The following ADAMTS12 variants were observed in gnomAD, a reference collection of about 807,000 sequenced individuals.
ADAMTS12 encodes the protein A disintegrin and metalloproteinase with thrombospondin motifs 12.
A neutral mutation model predicts 167.8 loss-of-function variants in ADAMTS12; 118 were observed. The observed-to-expected ratio is 0.70, with a 90% CI of 0.61 to 0.82. The LOEUF (loss-of-function observed/expected upper bound fraction) is 0.82, where lower values mean the gene tolerates loss of function less well. Ranked by LOEUF, ADAMTS12 falls within the 40% of genes least tolerant of loss-of-function variation. The pLI is 0.00. For missense variants in ADAMTS12, 1,916 were observed against 1,998.8 expected (o/e 0.96, Z 0.79); for synonymous variants, 704 against 716.9 (o/e 0.98, Z 0.29).
intron 5 of ADAMTS12, among the ~76,000 whole-genome samples, chr5:33,664,735 T>C (rs4866432): frequency 0.62 from 94,350 of 151,894 alleles, 30,707 homozygotes; most frequent in East Asian, 0.81. Context: ...GAAAACAGCA[T>C]GGAGGTTTCT....
At chr5:33,628,309 G>C (rs1008797516) in intron 13 of ADAMTS12, among the ~76,000 whole-genome samples, 7 of 152,022 alleles carry the variant, frequency 4.6e-5, no homozygotes, top group Non-Finnish European at 7.4e-5. Context: ...GAGGTGAGTA[G>C]GGCATTTGCT....
rs759198104 is a variant in ADAMTS12, at chr5:33,534,978, A to G, written c.4461T>C (p.Cys1487=). The change falls in exon 23 of 24, where the codon TGT becomes TGC. Residue 1487 remains cysteine (C), a synonymous_variant. Transcript: ENST00000504830. ...CAGTCCTCTTCTGAAAGCCACCTCC[A>G]CAGGAAGTGGAACACTGAAAGAGAA... is the stretch of plus-strand genomic sequence containing the variant. ...TGNWDLCSTS[C]GGGFQKRTVQ... is the part of the protein sequence containing the mutation. The G allele has an allele frequency of 1.2e-6, 2 of 1,607,110 alleles. No homozygotes were observed. Among genetic ancestry groups the G allele is most frequent in the South Asian group, 1.1e-5 (1 of 89,524 alleles).
In ADAMTS12 at chr5:33,611,265, G is replaced by A. The variant is rs73760636; in HGVS notation, c.2527+2973C>T. Among the ~76,000 whole-genome samples the A allele has an allele frequency of 3.1e-3, 466 of 151,772 alleles. 3 individuals are homozygous for A. The highest frequency in any genetic ancestry group is 0.011 in the African/African-American group (449 of 41,410). ...TGAGAATAATAAACACTAGTTTCAC[G>A]ACCCTAGTTAACCCTGGGGAAAAAG... On this transcript the variant is annotated intron_variant, in intron 16 of 23. Transcript: ENST00000504830.
chr5:33,662,061 G>T (rs1398583841), intron 5 of ADAMTS12, 21 bp from the exon 6 acceptor site: 1 of 1,603,902 alleles, frequency 6.2e-7, no homozygotes, highest in Non-Finnish European at 8.5e-7. Context: ...AAGAGGAAGA[G>T]ATTAGCATGG....
At chr5:33,536,295 C>A (rs529838363) in intron 22 of ADAMTS12, among the ~76,000 whole-genome samples, 1 of 152,280 alleles carries the variant, frequency 6.6e-6, no homozygotes, top group South Asian at 2.1e-4. Context: ...GCCACCACAC[C>A]TGGTGACTTT....
chr5:33,822,294 C>A (rs1407942927), intron 2 of ADAMTS12, among the ~76,000 whole-genome samples: 1 of 152,172 alleles, frequency 6.6e-6, no homozygotes, highest in Non-Finnish European at 1.5e-5. Flanking sequence ...TGAAAGCTCT[C>A]TAAGTGGCCA....
chr5:33,629,560 C>T (rs1739821794), intron 13 of ADAMTS12, among the ~76,000 whole-genome samples: 1 of 152,088 alleles, frequency 6.6e-6, no homozygotes, highest in Non-Finnish European at 1.5e-5. Flanking sequence ...TGAGTTCTCA[C>T]CCTTGTATGC....
At chr5:33,539,875 C>G (rs370221006) in intron 22 of ADAMTS12, among the ~76,000 whole-genome samples, 2 of 152,152 alleles carry the variant, frequency 1.3e-5, no homozygotes, top group Non-Finnish European at 2.9e-5. Flanking sequence ...CAGCTCCCAG[C>G]GAGATCGACA....
At chr5:33,671,913 TACACACACACCCACATACTCACATAC>T (rs1579821562) in intron 5 of ADAMTS12, among the ~76,000 whole-genome samples, 1 of 126,086 alleles carries the variant, frequency 7.9e-6, no homozygotes. Flanking sequence ...CATACTCACA[TACACACACACCCACATACTCACATAC>T]ACACACACAC....
intron 3 of ADAMTS12, among the ~76,000 whole-genome samples, chr5:33,728,517 G>A (rs1464850315): frequency 6.6e-6 from 1 of 152,164 alleles, no homozygotes; most frequent in Non-Finnish European, 1.5e-5. Flanking sequence ...TCTCAGTGTG[G>A]CCTCTAGTCA....
chr5:33,658,108 T>C, intron 7 of ADAMTS12, 76 bp downstream of exon 7: 3 of 1,533,368 alleles, frequency 2.0e-6, no homozygotes, highest in Admixed American at 1.7e-5. Context: ...ATTTGAGGTG[T>C]GTTCACCTCA....
chr5:33,673,268 GATTGTTGGCTCCC>G (rs1741784699), intron 5 of ADAMTS12, among the ~76,000 whole-genome samples: 1 of 152,108 alleles, frequency 6.6e-6, no homozygotes, highest in Admixed American at 6.5e-5. Flanking sequence ...TCCAAAATAT[GATTGTTGGCTCCC>G]ACATCTGTAT....
intron 22 of ADAMTS12, among the ~76,000 whole-genome samples, chr5:33,544,205 T>G (rs570171590): frequency 1.3e-5 from 2 of 152,242 alleles, no homozygotes; most frequent in Admixed American, 1.3e-4. Flanking sequence ...ACAAGCATTC[T>G]TATACAACAA....
intron 3 of ADAMTS12, among the ~76,000 whole-genome samples, chr5:33,712,055 G>C (rs982072638): frequency 3.3e-5 from 5 of 152,148 alleles, no homozygotes; most frequent in African/African-American, 1.2e-4. Context: ...TAACTTACTT[G>C]GCTTTGTTCT....
At chr5:33,647,022 T>C (rs890595457) in intron 9 of ADAMTS12, among the ~76,000 whole-genome samples, 1 of 152,014 alleles carries the variant, frequency 6.6e-6, no homozygotes, top group African/African-American at 2.4e-5. Flanking sequence ...AACTAGAAGA[T>C]AAAGATACAT....
chr5:33,734,061 C>A (rs1744285357), intron 3 of ADAMTS12, among the ~76,000 whole-genome samples: 2 of 151,470 alleles, frequency 1.3e-5, no homozygotes, highest in African/African-American at 4.9e-5. Flanking sequence ...AGCTCTTAGC[C>A]TCAGGATGTC....
Position 33,695,672 on chromosome 5 carries a change from C to T in ADAMTS12, c.635-11617G>A, listed in dbSNP as rs79867328. Reference sequence around the variant, plus strand: ...GTTCACAGAGGCAGAAAGTAGAATGCTGGTTGCCTGAGGATGGGAGTTGGG... The same window carrying T: ...GTTCACAGAGGCAGAAAGTAGAATGTTGGTTGCCTGAGGATGGGAGTTGGG... On this transcript the variant is annotated intron_variant, in intron 3 of 23. Transcript: ENST00000504830. 6.2e-3 allele frequency among the ~76,000 whole-genome samples: 944 copies of T among 152,192 alleles called. 48 individuals are homozygous for T. In the East Asian group the frequency reaches 0.13, roughly 21 times the overall value.
intron 2 of ADAMTS12, among the ~76,000 whole-genome samples, chr5:33,760,920 T>TGTGTGCGC (rs1323504319): frequency 7.5e-5 from 11 of 146,162 alleles, no homozygotes; most frequent in African/African-American, 2.8e-4. Context: ...TGTGTGTGTG[T>TGTGTGCGC]GCGTATGCGC....
intron 5 of ADAMTS12, among the ~76,000 whole-genome samples, chr5:33,675,059 C>G (rs887532800): frequency 2.0e-5 from 3 of 152,106 alleles, no homozygotes. Flanking sequence ...TGCCTTCCAC[C>G]ATGGAATGAC....
Sources: gnomAD v4.1 joint callset for allele counts (sites outside exome capture counted in the v4.1 genomes callset) on GRCh38, gnomAD v4.1.1 for gene constraint, MANE v1.5 for transcripts, NCBI Gene and HGNC (gene_info 2026-07-23, HGNC 2026-07-21) for gene names.